RSPO2: variants seen among roughly 807,000 people sequenced by gnomAD.
RSPO2 encodes R-spondin-2.
A neutral mutation model predicts 30.9 loss-of-function variants in RSPO2; 14 were observed. The observed-to-expected ratio is 0.45, with a 90% CI of 0.30 to 0.71. The LOEUF is 0.71. RSPO2 is among the 30% of genes least tolerant of loss of function. The probability of loss-of-function intolerance (pLI) is 0.08; values close to 1 mark genes in which losing one functional copy is unlikely to be tolerated. For missense variants in RSPO2, 264 were observed against 301.9 expected, an observed-to-expected ratio of 0.87 and a Z score of 0.93; for synonymous variants, 107 against 96.4, an observed-to-expected ratio of 1.11 and a Z score of -0.64.
intron 2 of RSPO2, among the ~76,000 whole-genome samples, chr8:108,062,190 C>T (rs980374577): frequency 6.6e-6 from 1 of 151,684 alleles, no homozygotes; most frequent in Non-Finnish European, 1.5e-5. Flanking sequence ...AAGATCAGAG[C>T]AGAACTGAAG....
At chr8:108,016,644 G>T (rs929000317) in intron 2 of RSPO2, among the ~76,000 whole-genome samples, 1 of 152,110 alleles carries the variant, frequency 6.6e-6, no homozygotes, top group African/African-American at 2.4e-5. Context: ...GATAATCTTC[G>T]CAAGGTTGAT....
intron 3 of RSPO2, among the ~76,000 whole-genome samples, chr8:107,971,870 T>C (rs1814010768): frequency 6.6e-6 from 1 of 152,190 alleles, no homozygotes; most frequent in Non-Finnish European, 1.5e-5. Context: ...CAACTCCACA[T>C]GTACCTTTCA....
At chr8:108,026,089 G>A (rs1182725794) in intron 2 of RSPO2, among the ~76,000 whole-genome samples, 1 of 152,164 alleles carries the variant, frequency 6.6e-6, no homozygotes, top group Non-Finnish European at 1.5e-5. Flanking sequence ...TTCCTGCTAT[G>A]AGGCACTGAA....
rs1280728941 is a variant in RSPO2 at position 107,899,687 on chromosome 8, C to CTAAT, written c.*1384_*1387dup. 3.9e-5 allele frequency: 6 copies of CTAAT among 152,350 alleles called. No homozygotes were observed. The highest frequency in any genetic ancestry group is 7.4e-5 in the Non-Finnish European group (5 of 68,012). 9.4% of individuals were successfully genotyped at this position (152,350 alleles called of 1,614,324 possible). On this transcript the variant is annotated 3_prime_UTR_variant, in exon 6 of 6. Coordinates refer to ENST00000276659, the MANE Select transcript of RSPO2 (RefSeq NM_178565.5). ...AATCCACAACCATTATTTTTCTGTT[C>CTAAT]TAATTTTCTCCTGGATCAGCCAGGA...
chr8:107,934,292 T>C (rs2130354289), intron 5 of RSPO2, among the ~76,000 whole-genome samples: 1 of 151,956 alleles, frequency 6.6e-6, no homozygotes. Context: ...AAATACAGAA[T>C]GTACTAAAAT....
intron 3 of RSPO2, among the ~76,000 whole-genome samples, chr8:107,976,163 T>C (rs962309358): frequency 6.6e-5 from 10 of 152,232 alleles, no homozygotes; most frequent in Non-Finnish European, 4.4e-5. Flanking sequence ...AGTGAAGACC[T>C]ACCTGCCTCA....
chr8:108,011,504 A>C (rs1810711793), intron 2 of RSPO2, among the ~76,000 whole-genome samples: 1 of 152,252 alleles, frequency 6.6e-6, no homozygotes, highest in South Asian at 2.1e-4. Flanking sequence ...AATAAAAGGT[A>C]AATGACTATT....
chr8:107,967,654 G>A (rs1442060086), intron 3 of RSPO2, among the ~76,000 whole-genome samples: 3 of 152,134 alleles, frequency 2.0e-5, no homozygotes, highest in Admixed American at 2.0e-4. Flanking sequence ...GTTAAAGTCT[G>A]TTTATAACCC....
intron 2 of RSPO2, among the ~76,000 whole-genome samples, chr8:108,043,933 T>TA (rs970217669): frequency 1.3e-4 from 20 of 151,290 alleles, no homozygotes; most frequent in South Asian, 4.2e-4. Context: ...TTTCTACTTT[T>TA]AAAAAAAAAG....
In RSPO2 at chr8:107,967,174, A is replaced by G. The variant is rs552426955; in HGVS notation, c.284-6357T>C. Among the ~76,000 whole-genome samples the G allele has an allele frequency of 5.9e-5, 9 of 152,348 alleles. No individual in the cohort carries two copies. The South Asian group carries it at 1.7e-3, about 28-fold the overall frequency. On this transcript the variant is annotated intron_variant, in intron 3 of 5. Transcript: ENST00000276659. Reference sequence around the variant, plus strand: ...GCCCACTGCGTGCTAAAATATGAATAGAAATTAAAGGCACAGTTTGTTCCC... The same window carrying G: ...GCCCACTGCGTGCTAAAATATGAATGGAAATTAAAGGCACAGTTTGTTCCC...
At chr8:108,044,111 T>G (rs557545709) in intron 2 of RSPO2, among the ~76,000 whole-genome samples, 1 of 150,652 alleles carries the variant, frequency 6.6e-6, no homozygotes, top group East Asian at 2.0e-4. Context: ...CTATCCTACC[T>G]AAAGTGGGTT....
intron 5 of RSPO2, among the ~76,000 whole-genome samples, chr8:107,911,642 T>G (rs1316844326): frequency 1.3e-5 from 2 of 152,182 alleles, no homozygotes; most frequent in Non-Finnish European, 2.9e-5. Flanking sequence ...CCTACTTGTA[T>G]TATTTCTAAT....
At chr8:108,024,740 C>A (rs1811153606) in intron 2 of RSPO2, among the ~76,000 whole-genome samples, 1 of 152,164 alleles carries the variant, frequency 6.6e-6, no homozygotes, top group Non-Finnish European at 1.5e-5. Context: ...CAAGGATAGG[C>A]TGGGCATGGT....
chr8:107,963,817 G>C (rs1194660778), intron 3 of RSPO2, among the ~76,000 whole-genome samples: 6 of 151,996 alleles, frequency 3.9e-5, no homozygotes, highest in Non-Finnish European at 8.8e-5. Context: ...AAGCTCTTTT[G>C]ATTTTAACAG....
intron 2 of RSPO2, among the ~76,000 whole-genome samples, chr8:108,007,282 C>T (rs1815481714): frequency 6.6e-6 from 1 of 152,094 alleles, no homozygotes; most frequent in Admixed American, 6.6e-5. Flanking sequence ...TGATTGCGGC[C>T]ACACAGATTC....
At chr8:108,027,358 T>C (rs1811256415) in intron 2 of RSPO2, among the ~76,000 whole-genome samples, 1 of 152,210 alleles carries the variant, frequency 6.6e-6, no homozygotes, top group Non-Finnish European at 1.5e-5. Context: ...TTCCGTCTCT[T>C]AGTTCAGTGC....
intron 2 of RSPO2, among the ~76,000 whole-genome samples, chr8:108,066,010 C>T (rs1812653962): frequency 6.6e-6 from 1 of 151,956 alleles, no homozygotes; most frequent in Non-Finnish European, 1.5e-5. Flanking sequence ...TGCACTTCAG[C>T]CTGGGCTACA....
At chr8:107,905,034 G>C (rs577813286) in intron 5 of RSPO2, among the ~76,000 whole-genome samples, 1 of 152,054 alleles carries the variant, frequency 6.6e-6, no homozygotes, top group African/African-American at 2.4e-5. Context: ...TCAGAAACAG[G>C]GTAGATTATT....
At chr8:108,011,425 G>C (rs143653224) in intron 2 of RSPO2, among the ~76,000 whole-genome samples, 3 of 152,186 alleles carry the variant, frequency 2.0e-5, no homozygotes, top group African/African-American at 4.8e-5. Flanking sequence ...TTTCTTTATT[G>C]TGTTTGGCAC....
Sources: gnomAD v4.1 joint callset for allele counts (sites outside exome capture counted in the v4.1 genomes callset) on GRCh38, gnomAD v4.1.1 for gene constraint, MANE v1.5 for transcripts, NCBI Gene and HGNC (gene_info 2026-07-23, HGNC 2026-07-21) for gene names.